Variants in SLC5A3 observed in about 807,000 individuals in gnomAD.
The protein encoded by SLC5A3 is solute carrier family 5 member 3.
A neutral mutation model predicts 43.2 loss-of-function variants in SLC5A3; 10 were observed. The observed-to-expected ratio is 0.23, with a 90% confidence interval of 0.14 to 0.39. The LOEUF (loss-of-function observed/expected upper bound fraction) is 0.39. SLC5A3 is among the 10% of genes least tolerant of loss of function. The probability of loss-of-function intolerance (pLI) is 1.00; values close to 1 mark genes in which losing one functional copy is unlikely to be tolerated. For missense variants in SLC5A3, 608 were observed against 893.4 expected (o/e 0.68, Z 4.07); for synonymous variants, 349 against 322.0 (o/e 1.08, Z -0.90).
chr21:34,099,491 G>C lies in SLC5A3; in HGVS notation c.*2136G>C. ...TTTTCAAATTAACATTAAGTTGTAAGAACTAAAATTTTCTTTGAACCACAT... is the reference window on the plus strand; with the variant it reads ...TTTTCAAATTAACATTAAGTTGTAACAACTAAAATTTTCTTTGAACCACAT... On this transcript the variant is annotated 3_prime_UTR_variant, in exon 2 of 2. Transcript: ENST00000381151. 1.0e-6 allele frequency: 1 copy of C among 999,788 alleles called. No homozygotes were observed. Among genetic ancestry groups the C allele is most frequent in the Non-Finnish European group, 1.2e-6 (1 of 829,768 alleles). The allele number at this position is 999,788 out of a possible 1,614,324, so 61.9% of individuals were successfully genotyped here.
In SLC5A3 at chr21:34,098,234, A is replaced by G. The variant is rs1979063083; in HGVS notation, c.*879A>G. The G allele has an allele frequency of 1.0e-6, 1 of 999,558 alleles. No homozygotes were observed. Among genetic ancestry groups the G allele is most frequent in the Middle Eastern group, 5.2e-4 (1 of 1,914 alleles). 61.9% of individuals were successfully genotyped at this position (999,558 alleles called of 1,614,324 possible). A position where few individuals can be genotyped will look rare whatever the true frequency, so the allele number is the denominator to read the frequency against. Reference sequence around the variant, plus strand: ...ATGCTAATCAGATGATTACTCATATATTCTGCTAATTTTCTAGCTTTATTC... The same window carrying G: ...ATGCTAATCAGATGATTACTCATATGTTCTGCTAATTTTCTAGCTTTATTC... On this transcript the variant is annotated 3_prime_UTR_variant, in exon 2 of 2. Coordinates refer to ENST00000381151, the MANE Select transcript of SLC5A3 (RefSeq NM_006933.7).
Position 34,095,732 on chromosome 21 carries a change from T to C in SLC5A3, c.534T>C (p.Leu178=). ...CTTTGCTGACTGTCACCGGAGGCCT[T>C]GTTGCAGTGATCTACACAGACACTC... is the stretch of plus-strand genomic sequence containing the variant. The part of the protein sequence containing the change: ...MTALLTVTGG[L]VAVIYTDTLQ... The change falls in exon 2 of 2, where the codon CTT becomes CTC. Residue 178 remains leucine, a synonymous_variant. Transcript: ENST00000381151. 1.9e-6 allele frequency: 3 copies of C among 1,581,492 alleles called. No individual in the cohort carries two copies. Among genetic ancestry groups the C allele is most frequent in the Non-Finnish European group, 2.6e-6 (3 of 1,163,480 alleles).
Position 34,101,006 on chromosome 21 carries a change from A to G in SLC5A3, c.*3651A>G. On this transcript the variant is annotated 3_prime_UTR_variant, in exon 2 of 2. Coordinates refer to ENST00000381151, the MANE Select transcript of SLC5A3 (RefSeq NM_006933.7). ...GAGGCATGATGACTGGAAAGGGATC[A>G]CATGGGTCGTTGGTGGTGACACCTC... 1.0e-6 allele frequency: 1 copy of G among 1,000,188 alleles called. No individual in the cohort carries two copies. 62.0% of individuals were successfully genotyped at this position (1,000,188 alleles called of 1,614,324 possible).
At chr21:34,087,211 A>C (rs1471133589) in intron 1 of SLC5A3, among the ~76,000 whole-genome samples, 3 of 152,080 alleles carry the variant, frequency 2.0e-5, no homozygotes, top group Non-Finnish European at 2.9e-5. Flanking sequence ...CATACCCTCA[A>C]CTGGAGCTAT....
At chr21:34,083,500 G>C (rs552619009) in intron 1 of SLC5A3, among the ~76,000 whole-genome samples, 50 of 152,250 alleles carry the variant, frequency 3.3e-4, no homozygotes, top group African/African-American at 1.1e-3. Flanking sequence ...TGTAGGAAAG[G>C]TGTATGGTAC....
chr21:34,086,400 C>G (rs1602914320), intron 1 of SLC5A3, among the ~76,000 whole-genome samples: 2 of 152,248 alleles, frequency 1.3e-5, no homozygotes, highest in South Asian at 4.1e-4. Flanking sequence ...CATCCCTGTA[C>G]TCATAGCCTG....
At position 34,073,704 on chromosome 21, in the gene SLC5A3, C is replaced by G. The variant is rs1029817235; in HGVS notation, c.-378C>G. ...CGCACTCGCCGATCCTCCAGGCATGCCCCGCTACGAGCTGGCTTTAATCCT... is the reference window on the plus strand; with the variant it reads ...CGCACTCGCCGATCCTCCAGGCATGGCCCGCTACGAGCTGGCTTTAATCCT... On this transcript the variant is annotated 5_prime_UTR_variant, in exon 1 of 2. Transcript: ENST00000381151. 12 of 1,525,616 alleles carry G rather than the reference C, an allele frequency of 7.9e-6. No homozygotes were observed. The African/African-American group carries it at 1.3e-4, about 17-fold the overall frequency. 94.5% of individuals were successfully genotyped at this position (1,525,616 alleles called of 1,614,324 possible).
Position 34,101,158 on chromosome 21 carries a change from C to T in SLC5A3, c.*3803C>T, listed in dbSNP as rs1425633551. 2.0e-6 allele frequency: 2 copies of T among 999,864 alleles called. No individual in the cohort carries two copies. Among genetic ancestry groups the T allele is most frequent in the Admixed American group, 6.2e-5 (1 of 16,212 alleles). The allele number at this position is 999,864 out of a possible 1,614,324, so 61.9% of individuals were successfully genotyped here. Reference sequence around the variant, plus strand: ...AAAAATGATTAAGTGAGATAAGTACCTGGGTGACACAGATATTAGCCCGTT... The same window carrying T: ...AAAAATGATTAAGTGAGATAAGTACTTGGGTGACACAGATATTAGCCCGTT... On this transcript the variant is annotated 3_prime_UTR_variant, in exon 2 of 2. Coordinates refer to ENST00000381151, the MANE Select transcript of SLC5A3 (RefSeq NM_006933.7).
Position 34,102,831 on chromosome 21 carries a change from C to T in SLC5A3, c.*5476C>T, listed in dbSNP as rs956442627. 1.0e-6 allele frequency: 1 copy of T among 1,000,026 alleles called. No homozygotes were observed. The highest frequency in any genetic ancestry group is 1.2e-6 in the Non-Finnish European group (1 of 829,936). 61.9% of individuals were successfully genotyped at this position (1,000,026 alleles called of 1,614,324 possible). A position where few individuals can be genotyped will look rare whatever the true frequency, so the allele number is the denominator to read the frequency against. ...GATACTGAAGCTTTTCCCCTCACTT[C>T]TAGGTTGTTTACATTCAGAGCTCTA... On this transcript the variant is annotated 3_prime_UTR_variant, in exon 2 of 2. Coordinates refer to ENST00000381151, the MANE Select transcript of SLC5A3 (RefSeq NM_006933.7).
intron 1 of SLC5A3, among the ~76,000 whole-genome samples, chr21:34,089,765 A>G (rs1978588666): frequency 6.6e-6 from 1 of 152,224 alleles, no homozygotes; most frequent in South Asian, 2.1e-4. Context: ...TTCACCCATC[A>G]GAATACAGCT....
At chr21:34,073,796 C>G (rs1168825414) in intron 1 of SLC5A3, 51 bp downstream of exon 1, 7 of 1,356,454 alleles carry the variant, frequency 5.2e-6, no homozygotes, top group Non-Finnish European at 6.8e-6. Flanking sequence ...GCCCCCGCTG[C>G]CGCTAGGCCG....
rs1326565955 is a variant in SLC5A3, at chr21:34,098,433, C to T, written c.*1078C>T. On this transcript the variant is annotated 3_prime_UTR_variant, in exon 2 of 2. Coordinates refer to ENST00000381151, the MANE Select transcript of SLC5A3 (RefSeq NM_006933.7). ...TAGAGGGAAAATTTAATTCTGATAT[C>T]TTATTGCATCCTTGATAAGTTTTTC... 1 of 999,914 alleles carries T rather than the reference C, an allele frequency of 1.0e-6. No homozygotes were observed. Among genetic ancestry groups the T allele is most frequent in the Non-Finnish European group, 1.2e-6 (1 of 829,788 alleles). The allele number at this position is 999,914 out of a possible 1,614,324, so 61.9% of individuals were successfully genotyped here.
intron 1 of SLC5A3, among the ~76,000 whole-genome samples, chr21:34,075,854 C>T (rs1390055412): frequency 6.6e-6 from 1 of 152,092 alleles, no homozygotes; most frequent in African/African-American, 2.4e-5. Context: ...TGGGGGGAAA[C>T]GAATTTAAAA....
Position 34,105,162 on chromosome 21 carries a change from T to G in SLC5A3, c.*7807T>G, listed in dbSNP as rs1029514652. The G allele has an allele frequency of 2.7e-5, 27 of 1,000,272 alleles. No homozygotes were observed. Among genetic ancestry groups the G allele is most frequent in the Non-Finnish European group, 3.3e-5 (27 of 829,950 alleles). The allele number at this position is 1,000,272 out of a possible 1,614,324, so 62.0% of individuals were successfully genotyped here. On this transcript the variant is annotated 3_prime_UTR_variant, in exon 2 of 2. Coordinates refer to ENST00000381151, the MANE Select transcript of SLC5A3 (RefSeq NM_006933.7). ...AATTTGTTCCCTTGCTTTCCCCCAC[T>G]GTTACTGCTTCAGTTTATAGATTGC... is the stretch of plus-strand genomic sequence containing the variant.
chr21:34,087,863 A>C (rs923685056), intron 1 of SLC5A3, among the ~76,000 whole-genome samples: 2 of 152,246 alleles, frequency 1.3e-5, no homozygotes, highest in African/African-American at 4.8e-5. Flanking sequence ...GATTCTGGAT[A>C]TATTTTAAGT....
At chr21:34,091,343 T>G (rs1019992454) in intron 1 of SLC5A3, among the ~76,000 whole-genome samples, 2 of 152,192 alleles carry the variant, frequency 1.3e-5, no homozygotes, top group African/African-American at 4.8e-5. Context: ...TTGGTTTTAG[T>G]GGCAGGTGGT....
intron 1 of SLC5A3, among the ~76,000 whole-genome samples, chr21:34,076,046 C>T (rs896335333): frequency 1.3e-5 from 2 of 152,202 alleles, no homozygotes; most frequent in African/African-American, 4.8e-5. Flanking sequence ...GTGTATACCT[C>T]TTTACCCCTT....
At chr21:34,094,028 C>A (rs1569416003) in intron 1 of SLC5A3, among the ~76,000 whole-genome samples, 1 of 152,188 alleles carries the variant, frequency 6.6e-6, no homozygotes, top group Non-Finnish European at 1.5e-5. Flanking sequence ...AAAATCACGC[C>A]TTTAGTCAGT....
At chr21:34,086,813 AG>A (rs1476717491) in intron 1 of SLC5A3, among the ~76,000 whole-genome samples, 1 of 100 alleles carries the variant, frequency 0.01, no homozygotes, top group Non-Finnish European at 0.023. Context: ...TCTGAACTCA[AG>A]TTGTAATGGA....
Sources: allele counts gnomAD v4.1 joint callset (sites outside exome capture counted in the v4.1 genomes callset), GRCh38; gene constraint gnomAD v4.1.1; transcripts MANE v1.5; gene names NCBI Gene and HGNC (gene_info 2026-07-23, HGNC 2026-07-21).